Variants in SORCS1 observed in about 807,000 individuals in gnomAD.
SORCS1 encodes the protein sortilin related VPS10 domain containing receptor 1.
SORCS1 carries 60 observed loss-of-function variants against 146.1 expected under a neutral mutation model. The observed-to-expected ratio is 0.41, with a 90% CI of 0.33 to 0.51. The LOEUF is 0.51. Among genes scored for constraint, SORCS1 ranks in the 20% least tolerant of loss-of-function variants. The pLI is 0.21. For synonymous variants in SORCS1, 637 were observed against 584.0 expected (o/e 1.09, Z -1.31); for missense variants, 1,352 against 1,487.6 (o/e 0.91, Z 1.50).
At chr10:106,741,226 A>G (rs888387747) in intron 5 of SORCS1, among the ~76,000 whole-genome samples, 9 of 152,188 alleles carry the variant, frequency 5.9e-5, no homozygotes, top group African/African-American at 2.2e-4. Flanking sequence ...AATTCTTTTC[A>G]TAGAAAAAAA....
At chr10:107,129,447 A>C (rs185604989) in intron 1 of SORCS1, among the ~76,000 whole-genome samples, 7 of 151,178 alleles carry the variant, frequency 4.6e-5, no homozygotes, top group African/African-American at 1.5e-4. Flanking sequence ...GAGAAAAAAG[A>C]ATGTTCAAAT....
At chr10:107,039,332 G>GAA (rs58915918) in intron 1 of SORCS1, among the ~76,000 whole-genome samples, 2,202 of 109,900 alleles carry the variant, frequency 0.02, 82 homozygotes, top group African/African-American at 0.069. Context: ...CTCAAATAAA[G>GAA]AAAAAAAAAA....
chr10:106,639,191 T>C (rs1848904876), intron 18 of SORCS1, among the ~76,000 whole-genome samples: 1 of 152,180 alleles, frequency 6.6e-6, no homozygotes, highest in Non-Finnish European at 1.5e-5. Context: ...CTGAGGAAGT[T>C]ACTCACTCAG....
Position 106,677,414 on chromosome 10 carries a change from G to A in SORCS1, c.1741-10C>T. ...GCTCTTCTTCAAAGATCTGGATGAG[G>A]AAAACACATACATGGACACACATCC... is the stretch of plus-strand genomic sequence containing the variant. On this transcript the variant is annotated splice_polypyrimidine_tract_variant and intron_variant, in intron 12 of 25. Coordinates refer to ENST00000263054, the MANE Select transcript of SORCS1 (RefSeq NM_052918.5). The A allele has an allele frequency of 1.2e-6, 2 of 1,612,040 alleles. No homozygotes were observed. Among genetic ancestry groups the A allele is most frequent in the Non-Finnish European group, 1.7e-6 (2 of 1,178,226 alleles).
At chr10:106,893,822 C>G (rs951661759) in intron 2 of SORCS1, among the ~76,000 whole-genome samples, 2 of 152,108 alleles carry the variant, frequency 1.3e-5, no homozygotes, top group Admixed American at 6.6e-5. Flanking sequence ...GGATAATTAT[C>G]CCTCCAGCTC....
chr10:107,104,007 T>C (rs1407198888), intron 1 of SORCS1, among the ~76,000 whole-genome samples: 1 of 152,204 alleles, frequency 6.6e-6, no homozygotes, highest in Non-Finnish European at 1.5e-5. Flanking sequence ...GGCAGATTCG[T>C]CAGAACCTTT....
At chr10:107,086,404 C>G (rs1963764014) in intron 1 of SORCS1, among the ~76,000 whole-genome samples, 1 of 152,050 alleles carries the variant, frequency 6.6e-6, no homozygotes, top group Non-Finnish European at 1.5e-5. Flanking sequence ...TACATAACAG[C>G]TTAAAATATT....
chr10:106,923,015 A>C (rs1952793856), intron 2 of SORCS1, among the ~76,000 whole-genome samples: 1 of 151,690 alleles, frequency 6.6e-6, no homozygotes, highest in African/African-American at 2.4e-5. Context: ...CAGCCCCCCG[A>C]GTAGCTGGGA....
intron 1 of SORCS1, among the ~76,000 whole-genome samples, chr10:107,081,753 G>GA (rs1963352030): frequency 1.3e-5 from 2 of 152,202 alleles, no homozygotes; most frequent in African/African-American, 4.8e-5. Context: ...AGCATCAACT[G>GA]AAAATACAAG....
At chr10:106,690,944 G>A (rs976745469) in intron 9 of SORCS1, among the ~76,000 whole-genome samples, 4 of 152,076 alleles carry the variant, frequency 2.6e-5, no homozygotes, top group Admixed American at 2.6e-4. Flanking sequence ...CTCATCCTAC[G>A]TTTCTTGGAA....
At chr10:106,888,010 C>G (rs1951069722) in intron 2 of SORCS1, among the ~76,000 whole-genome samples, 1 of 152,108 alleles carries the variant, frequency 6.6e-6, no homozygotes, top group Non-Finnish European at 1.5e-5. Context: ...TCCAAATTCC[C>G]AACTCCTTGG....
At chr10:106,756,790 T>G (rs1433787589) in intron 5 of SORCS1, among the ~76,000 whole-genome samples, 3 of 152,318 alleles carry the variant, frequency 2.0e-5, no homozygotes, top group South Asian at 4.1e-4. Flanking sequence ...ATTTGTTTTA[T>G]CTGAGTTCCT....
intron 1 of SORCS1, among the ~76,000 whole-genome samples, chr10:106,959,116 G>A (rs1008034836): frequency 3.9e-5 from 6 of 152,192 alleles, no homozygotes; most frequent in Non-Finnish European, 1.5e-5. Context: ...ATGGTGTGGA[G>A]CCACTTGCAC....
At chr10:106,601,257 C>A (rs1002363621) in intron 23 of SORCS1, among the ~76,000 whole-genome samples, 3 of 152,140 alleles carry the variant, frequency 2.0e-5, no homozygotes, top group Admixed American at 6.5e-5. Context: ...ATTTCTTTTT[C>A]TTTTTCTGTC....
intron 24 of SORCS1, among the ~76,000 whole-genome samples, chr10:106,585,866 C>A (rs1845201571): frequency 6.6e-6 from 1 of 152,178 alleles, no homozygotes; most frequent in South Asian, 2.1e-4. Context: ...GTTAATTATT[C>A]CAACCAAAGC....
At chr10:106,969,418 A>G (rs1396670163) in intron 1 of SORCS1, among the ~76,000 whole-genome samples, 1 of 152,220 alleles carries the variant, frequency 6.6e-6, no homozygotes, top group African/African-American at 2.4e-5. Context: ...AATAATCTTA[A>G]TATATCATTT....
intron 10 of SORCS1, 144 bp from the exon 11 acceptor site, chr10:106,679,878 C>T (rs1852308035): frequency 1.6e-6 from 1 of 620,340 alleles, no homozygotes; most frequent in Non-Finnish European, 2.9e-6. Context: ...TGTATCTATA[C>T]CTACCCAACA....
intron 2 of SORCS1, among the ~76,000 whole-genome samples, chr10:106,834,388 T>C (rs1948694523): frequency 6.6e-6 from 1 of 152,210 alleles, no homozygotes; most frequent in South Asian, 2.1e-4. Flanking sequence ...CTTCATAACT[T>C]TTCACAAACT....
At chr10:106,654,134 G>A (rs954905514) in intron 17 of SORCS1, among the ~76,000 whole-genome samples, 1 of 152,054 alleles carries the variant, frequency 6.6e-6, no homozygotes, top group African/African-American at 2.4e-5. Context: ...CTTACTTCTT[G>A]TCTTCTCTAA....
Sources: allele counts gnomAD v4.1 joint callset (sites outside exome capture counted in the v4.1 genomes callset), GRCh38; gene constraint gnomAD v4.1.1; transcripts MANE v1.5; gene names NCBI Gene and HGNC (gene_info 2026-07-23, HGNC 2026-07-21).